Variants in MGAT4D observed in about 807,000 individuals in gnomAD.
MGAT4D encodes MGAT4 family member D.
Under a neutral mutation model 15.9 loss-of-function variants are expected in MGAT4D, and 34 were observed. The observed-to-expected ratio is 2.14, with a 90% confidence interval of 1.62 to 2.84. The LOEUF (loss-of-function observed/expected upper bound fraction) is 2.84. MGAT4D is among the 30% of genes most tolerant of loss of function. The pLI, the probability that MGAT4D is intolerant of heterozygous loss-of-function variation, is 0.00. For missense variants in MGAT4D, 327 were observed against 140.2 expected, an observed-to-expected ratio of 2.33 and a Z score of -6.73; for synonymous variants, 112 against 48.2, an observed-to-expected ratio of 2.33 and a Z score of -5.49.
rs1172408330 is a variant in MGAT4D, at chr4:140,451,444, T to C, written c.1082A>G (p.His361Arg). The C allele has an allele frequency of 6.3e-6, 4 of 632,068 alleles. No homozygotes were observed. The highest frequency in any genetic ancestry group is 2.8e-5 in the East Asian group (1 of 35,232). 39.2% of individuals were successfully genotyped at this position (632,068 alleles called of 1,614,324 possible). A position where few individuals can be genotyped will look rare whatever the true frequency, so the allele number is the denominator to read the frequency against. ...TTGTTCTTTTCTAGGGAATGATGAA[T>C]GTATACCCACATGCTGGAAAAGAGA... is the stretch of plus-strand genomic sequence containing the variant. The part of the protein sequence containing the change: ...KPSLFQHVGI[H>R]SSFPRKEQYE... The change falls in exon 10 of 11, where the codon CAT becomes CGT. Residue 361 changes from histidine (H) to arginine (R), a missense_variant. By Grantham distance (29) the His-to-Arg change is conservative (BLOSUM62 0). Coordinates refer to ENST00000511113, the MANE Select transcript of MGAT4D (RefSeq NM_001277353.2).
intron 7 of MGAT4D, 73 bp from the exon 8 acceptor site, chr4:140,459,699 A>G (rs1731040189): frequency 2.7e-6 from 1 of 373,388 alleles, no homozygotes; most frequent in Admixed American, 4.6e-5. Flanking sequence ...TAGCTTGAAA[A>G]TAAAAAATAC....
chr4:140,459,325 G>T, intron 8 of MGAT4D, 187 bp downstream of exon 8: 1 of 283,164 alleles, frequency 3.5e-6, no homozygotes, highest in Non-Finnish European at 6.5e-6. Flanking sequence ...AAAAAGTTTG[G>T]TTAAGAAAAT....
chr4:140,489,989 T>C (rs900540429), intron 1 of MGAT4D, among the ~76,000 whole-genome samples: 15 of 152,276 alleles, frequency 9.9e-5, no homozygotes, highest in African/African-American at 3.4e-4. Flanking sequence ...TCCTAAGACA[T>C]AGGAAAGGCA....
At chr4:140,478,061 C>T (rs1301973024) in intron 3 of MGAT4D, among the ~76,000 whole-genome samples, 2 of 151,948 alleles carry the variant, frequency 1.3e-5, no homozygotes, top group African/African-American at 4.8e-5. Context: ...TTTTTAGTTG[C>T]CTGGAACAGA....
intron 9 of MGAT4D, among the ~76,000 whole-genome samples, chr4:140,455,968 C>G (rs1730769665): frequency 6.6e-6 from 1 of 152,046 alleles, no homozygotes; most frequent in South Asian, 2.1e-4. Context: ...AAAAACCTGT[C>G]TCTGCATAAA....
intron 1 of MGAT4D, among the ~76,000 whole-genome samples, chr4:140,494,099 G>A (rs762000602): frequency 7.9e-5 from 12 of 152,180 alleles, no homozygotes; most frequent in Non-Finnish European, 1.6e-4. Flanking sequence ...TTGGTTACCT[G>A]ATGTACTTGA....
At chr4:140,466,517 A>G (rs1731540436) in intron 5 of MGAT4D, among the ~76,000 whole-genome samples, 1 of 152,174 alleles carries the variant, frequency 6.6e-6, no homozygotes, top group South Asian at 2.1e-4. Context: ...GGCAAGGACC[A>G]TTTAAATTAC....
Position 140,466,243 on chromosome 4 carries a change from G to C in MGAT4D, c.573-1234C>G, listed in dbSNP as rs539430650. 1.5e-4 allele frequency among the ~76,000 whole-genome samples: 23 copies of C among 152,306 alleles called. 1 individual carries two copies. The highest frequency in any genetic ancestry group is 5.3e-4 in the African/African-American group (22 of 41,584). ...ATGTTGACACCTCCTCTATTTGAGA[G>C]ACTCTAGAGATGCAACAAAGGGAAC... is the stretch of plus-strand genomic sequence containing the variant. On this transcript the variant is annotated intron_variant, in intron 5 of 10. Transcript: ENST00000511113.
chr4:140,482,616 A>C (rs1732821294), intron 1 of MGAT4D, 131 bp from the exon 2 acceptor site: 1 of 419,560 alleles, frequency 2.4e-6, no homozygotes, highest in Admixed American at 4.3e-5. Context: ...TTATATGTGT[A>C]TATATACAGT....
rs779067075 is a variant in MGAT4D at position 140,461,886 on chromosome 4, C to T, written c.762+43G>A. ...TACAGATATAATTGGTGTATACACA[C>T]ACACACACACACACACACACACACA... On this transcript the variant is annotated intron_variant, in intron 7 of 10. Transcript: ENST00000511113. 39 of 503,002 alleles carry T rather than the reference C, an allele frequency of 7.8e-5. 1 individual carries two copies. In the South Asian group the frequency reaches 8.2e-4, roughly 11 times the overall value. 31.2% of individuals were successfully genotyped at this position (503,002 alleles called of 1,614,324 possible).
intron 1 of MGAT4D, among the ~76,000 whole-genome samples, chr4:140,487,923 C>G (rs932771778): frequency 6.6e-6 from 1 of 152,188 alleles, no homozygotes; most frequent in Admixed American, 6.5e-5. Flanking sequence ...TCTCAGGCCT[C>G]ACCCCAGACT....
chr4:140,449,279 G>A (rs1730320203), intron 10 of MGAT4D, among the ~76,000 whole-genome samples: 2 of 152,048 alleles, frequency 1.3e-5, no homozygotes, highest in South Asian at 4.1e-4. Context: ...ATGATAAAAA[G>A]CATTTAAACT....
intron 3 of MGAT4D, among the ~76,000 whole-genome samples, chr4:140,475,363 G>A (rs1267228566): frequency 6.6e-6 from 1 of 152,110 alleles, no homozygotes; most frequent in Non-Finnish European, 1.5e-5. Flanking sequence ...GTGAAAGAAT[G>A]TATGAAGTAA....
intron 1 of MGAT4D, among the ~76,000 whole-genome samples, chr4:140,491,667 G>A (rs920615616): frequency 7.2e-5 from 11 of 151,936 alleles, no homozygotes; most frequent in Admixed American, 2.6e-4. Flanking sequence ...CAAAGGCAGA[G>A]GTAGGGAGGA....
At chr4:140,483,692 G>A (rs182371245) in intron 1 of MGAT4D, among the ~76,000 whole-genome samples, 2 of 152,152 alleles carry the variant, frequency 1.3e-5, no homozygotes, top group Non-Finnish European at 2.9e-5. Context: ...ACAAAATAGG[G>A]AACCCAGAAA....
intron 9 of MGAT4D, among the ~76,000 whole-genome samples, chr4:140,455,799 T>C (rs1730757604): frequency 6.6e-6 from 1 of 152,210 alleles, no homozygotes. Context: ...TCTTGATCCC[T>C]AGACTGTTTT....
chr4:140,446,743 GTTTTTTTTTTTTTTTTTTTTTTT>G (rs149442061), intron 10 of MGAT4D, among the ~76,000 whole-genome samples: 17 of 8,172 alleles, frequency 2.1e-3, no homozygotes, highest in South Asian at 9.4e-3. Context: ...TGCTTCTCTA[GTTTTTTTTTTTTTTTTTTTTTTT>G]TTTTTTTTTT....
At chr4:140,470,887 A>ATTTTT (rs776418118) in intron 5 of MGAT4D, among the ~76,000 whole-genome samples, 4 of 142,942 alleles carry the variant, frequency 2.8e-5, no homozygotes, top group Admixed American at 1.4e-4. Context: ...TTATTTTATA[A>ATTTTT]TTTTTTTTTT....
chr4:140,491,044 A>C (rs767102865), intron 1 of MGAT4D, among the ~76,000 whole-genome samples: 1 of 152,230 alleles, frequency 6.6e-6, no homozygotes, highest in Non-Finnish European at 1.5e-5. Flanking sequence ...TAGTTCTACA[A>C]GTCTAGTACA....
Sources: gnomAD v4.1 joint callset for allele counts (sites outside exome capture counted in the v4.1 genomes callset) on GRCh38, gnomAD v4.1.1 for gene constraint, MANE v1.5 for transcripts, NCBI Gene and HGNC (gene_info 2026-07-23, HGNC 2026-07-21) for gene names.